DNAJC10: variants seen among roughly 807,000 people sequenced by gnomAD.
DNAJC10 encodes DnaJ heat shock protein family (Hsp40) member C10.
DNAJC10 carries 101 observed loss-of-function variants against 115.0 expected under a neutral mutation model. That is an observed-to-expected ratio of 0.88 (90% CI 0.75 to 1.04). The LOEUF (loss-of-function observed/expected upper bound fraction) is 1.04, where lower values mean the gene tolerates loss of function less well. Among genes scored for constraint, DNAJC10 ranks in the 50% least tolerant of loss-of-function variants. The probability of loss-of-function intolerance (pLI) is 0.00; values close to 1 mark genes in which losing one functional copy is unlikely to be tolerated. For synonymous variants in DNAJC10, 307 were observed against 301.5 expected (o/e 1.02, Z -0.19); for missense variants, 981 against 928.8 (o/e 1.06, Z -0.73).
intron 5 of DNAJC10, among the ~76,000 whole-genome samples, chr2:182,724,281 CAT>C (rs1558997107): frequency 6.6e-6 from 1 of 152,028 alleles, no homozygotes. Context: ...TAGATTTGAA[CAT>C]GTGATATCTA....
At chr2:182,720,475 T>C (rs921199590) in intron 4 of DNAJC10, among the ~76,000 whole-genome samples, 1 of 152,190 alleles carries the variant, frequency 6.6e-6, no homozygotes, top group African/African-American at 2.4e-5. Flanking sequence ...TGTAGGACAT[T>C]GGTCCCATGA....
chr2:182,774,370 C>G (rs1230342324), intron 22 of DNAJC10, among the ~76,000 whole-genome samples: 1 of 152,224 alleles, frequency 6.6e-6, no homozygotes, highest in Non-Finnish European at 1.5e-5. Flanking sequence ...GGAGAACCAC[C>G]ACTGTCTTCA....
At position 182,732,781 on chromosome 2, in the gene DNAJC10, T is replaced by C. The variant is rs982565749; in HGVS notation, c.849+239T>C. 4 of 506,450 alleles carry C rather than the reference T, an allele frequency of 7.9e-6. No individual in the cohort carries two copies. The African/African-American group carries it at 8.0e-5, about 10-fold the overall frequency. 31.4% of individuals were successfully genotyped at this position (506,450 alleles called of 1,614,324 possible). ...TACTTTGTAAGTATTCTGTAATTTA[T>C]AAGTTCCTCTTCAACTGAAGTTACA... On this transcript the variant is annotated intron_variant, in intron 10 of 23. Transcript: ENST00000264065.
chr2:182,764,238 G>T (rs1694356859), intron 22 of DNAJC10, among the ~76,000 whole-genome samples: 1 of 152,112 alleles, frequency 6.6e-6, no homozygotes, highest in South Asian at 2.1e-4. Context: ...GGGTCTCTAA[G>T]TGAGACAAAA....
At chr2:182,755,571 C>T (rs1266712315) in intron 17 of DNAJC10, among the ~76,000 whole-genome samples, 1 of 152,082 alleles carries the variant, frequency 6.6e-6, no homozygotes, top group Non-Finnish European at 1.5e-5. Flanking sequence ...ACCTGTTCCT[C>T]CTCCTCTGAC....
Position 182,788,587 on chromosome 2 carries a change from GA to G in DNAJC10, c.*11460del. On this transcript the variant is annotated 3_prime_UTR_variant, in exon 24 of 24. Coordinates refer to ENST00000264065, the MANE Select transcript of DNAJC10 (RefSeq NM_018981.4). ...ACAGTTTAAGTACTTATCTCAAAAG[GA>G]AAAATGTTAGCAATTGGTTGTAGCA... 1 of 245,598 alleles carries G rather than the reference GA, an allele frequency of 4.1e-6. No individual in the cohort carries two copies. Among genetic ancestry groups the G allele is most frequent in the Non-Finnish European group, 8.2e-6 (1 of 122,576 alleles). The allele number at this position is 245,598 out of a possible 1,614,324, so 15.2% of individuals were successfully genotyped here.
In DNAJC10 at chr2:182,780,908, G is replaced by GCAAT. The variant is rs561174708; in HGVS notation, c.*3779_*3782dup. The GCAAT allele has an allele frequency of 6.6e-6, 1 of 151,810 alleles. No homozygotes were observed. The highest frequency in any genetic ancestry group is 1.5e-5 in the Non-Finnish European group (1 of 67,966). 9.4% of individuals were successfully genotyped at this position (151,810 alleles called of 1,614,324 possible). ...TAGTGGCCTTTGGTCCTGAAAGTTA[G>GCAAT]CAATCATCCCCAAAAAGGTCTGTGT... On this transcript the variant is annotated 3_prime_UTR_variant, in exon 24 of 24. Transcript: ENST00000264065.
chr2:182,763,426 G>A (rs1490077110), intron 22 of DNAJC10, among the ~76,000 whole-genome samples: 1 of 152,108 alleles, frequency 6.6e-6, no homozygotes, highest in Non-Finnish European at 1.5e-5. Context: ...GGGCAAGATA[G>A]CTCTTCTAAG....
At chr2:182,729,703 C>G (rs1693391393) in intron 7 of DNAJC10, 145 bp from the exon 8 acceptor site, 1 of 479,034 alleles carries the variant, frequency 2.1e-6, no homozygotes, top group Non-Finnish European at 3.7e-6. Context: ...ATCAGGATAT[C>G]ATTTGGAAAT....
chr2:182,736,138 A>T (rs1253744395), intron 10 of DNAJC10, 111 bp from the exon 11 acceptor site: 1 of 967,406 alleles, frequency 1.0e-6, no homozygotes, highest in East Asian at 3.0e-5. Flanking sequence ...TAAGGCATGA[A>T]GTTTTAATTT....
In DNAJC10 at chr2:182,775,195, A is replaced by G. The variant is rs371938060; in HGVS notation, c.2266-121A>G. 1.3e-4 allele frequency: 84 copies of G among 668,768 alleles called. No homozygotes were observed. The African/African-American group carries it at 1.4e-3, about 11-fold the overall frequency. The allele number at this position is 668,768 out of a possible 1,614,324, so 41.4% of individuals were successfully genotyped here. ...ATTTCCTTGAAGAGAATAAATTTGA[A>G]TTTCAAACACTTCAAGTTTTGGAAC... On this transcript the variant is annotated intron_variant, in intron 22 of 23. Transcript: ENST00000264065.
At chr2:182,751,583 A>G in intron 14 of DNAJC10, 75 bp from the exon 15 acceptor site, 1 of 1,490,872 alleles carries the variant, frequency 6.7e-7, no homozygotes. Flanking sequence ...TATTCTGAGT[A>G]TTAAAACTTT....
chr2:182,774,153 G>C (rs1243025984), intron 22 of DNAJC10, among the ~76,000 whole-genome samples: 1 of 152,238 alleles, frequency 6.6e-6, no homozygotes, highest in South Asian at 2.1e-4. Flanking sequence ...GGTATCACCA[G>C]CAGAGGCTGC....
intron 22 of DNAJC10, among the ~76,000 whole-genome samples, chr2:182,771,284 T>A (rs1694556051): frequency 6.6e-6 from 1 of 152,200 alleles, no homozygotes; most frequent in African/African-American, 2.4e-5. Context: ...TGGTCTAAAA[T>A]TCCCTTTTTT....
chr2:182,745,696 T>A (rs1009814793), intron 14 of DNAJC10, among the ~76,000 whole-genome samples: 36 of 152,158 alleles, frequency 2.4e-4, no homozygotes, highest in African/African-American at 8.7e-4. Flanking sequence ...ATTTTTATTT[T>A]TTTTTTTTAT....
Position 182,759,219 on chromosome 2 carries a change from A to G in DNAJC10, c.2057A>G (p.Gln686Arg). 2.5e-6 allele frequency: 4 copies of G among 1,609,714 alleles called. No individual in the cohort carries two copies. Among genetic ancestry groups the G allele is most frequent in the Non-Finnish European group, 3.4e-6 (4 of 1,179,064 alleles). ...CAGACTTTCAGTGAAAAAGTTCTAC[A>G]AGGGAAAAATCATTGGGTGATTGAT... Reference protein sequence around the residue: ...TPQTFSEKVLQGKNHWVIDFY... With the variant: ...TPQTFSEKVLRGKNHWVIDFY... The change falls in exon 21 of 24, where the codon CAA becomes CGA. Residue 686 changes from glutamine (Q) to arginine (R), a missense_variant. By Grantham distance (43) the Gln-to-Arg change is conservative (BLOSUM62 1). Coordinates refer to ENST00000264065, the MANE Select transcript of DNAJC10 (RefSeq NM_018981.4).
At position 182,788,568 on chromosome 2, in the gene DNAJC10, T is replaced by G. The variant is rs1253075044; in HGVS notation, c.*11436T>G. On this transcript the variant is annotated 3_prime_UTR_variant, in exon 24 of 24. Coordinates refer to ENST00000264065, the MANE Select transcript of DNAJC10 (RefSeq NM_018981.4). ...ATCTTGGAAATAAGGATGGACAGTTTAAGTACTTATCTCAAAAGGAAAAAT... is the reference window on the plus strand; with the variant it reads ...ATCTTGGAAATAAGGATGGACAGTTGAAGTACTTATCTCAAAAGGAAAAAT... 4.0e-6 allele frequency: 1 copy of G among 249,214 alleles called. No homozygotes were observed. Among genetic ancestry groups the G allele is most frequent in the Non-Finnish European group, 8.0e-6 (1 of 124,550 alleles). The allele number at this position is 249,214 out of a possible 1,614,324, so 15.4% of individuals were successfully genotyped here. A position where few individuals can be genotyped will look rare whatever the true frequency, so the allele number is the denominator to read the frequency against.
Position 182,739,862 on chromosome 2 carries a change from CTAT to C in DNAJC10, c.988-432_988-430del, listed in dbSNP as rs1174330225. 66 of 987,736 alleles carry C rather than the reference CTAT, an allele frequency of 6.7e-5. No individual in the cohort carries two copies. In the African/African-American group the frequency reaches 1.1e-3, roughly 16 times the overall value. 61.2% of individuals were successfully genotyped at this position (987,736 alleles called of 1,614,324 possible). On this transcript the variant is annotated intron_variant, in intron 11 of 23. Transcript: ENST00000264065. ...TGGGGAATGAAGTGTCTTTGATAGT[CTAT>C]TATTCTTCCTTCTAGTGTTATAAAA...
Position 182,793,633 on chromosome 2 carries a change from A to G in DNAJC10, c.*16501A>G, listed in dbSNP as rs288296. Reference sequence around the variant, plus strand: ...CAAATAAGGCAAGTTGGCAGCATGCAATTGGCTGTGACCTATCTGTTACAA... The same window carrying G: ...CAAATAAGGCAAGTTGGCAGCATGCGATTGGCTGTGACCTATCTGTTACAA... On this transcript the variant is annotated 3_prime_UTR_variant, in exon 24 of 24. Coordinates refer to ENST00000264065, the MANE Select transcript of DNAJC10 (RefSeq NM_018981.4). 103,581 of 151,880 alleles carry G rather than the reference A, an allele frequency of 0.68. 36,029 individuals are homozygous for G. Among genetic ancestry groups the G allele is most frequent in the African/African-American group, 0.8 (33,338 of 41,434 alleles). The allele number at this position is 151,880 out of a possible 1,614,324, so 9.4% of individuals were successfully genotyped here. A position where few individuals can be genotyped will look rare whatever the true frequency, so the allele number is the denominator to read the frequency against.
Sources: gnomAD v4.1 joint callset for allele counts (sites outside exome capture counted in the v4.1 genomes callset) on GRCh38, gnomAD v4.1.1 for gene constraint, MANE v1.5 for transcripts, NCBI Gene and HGNC (gene_info 2026-07-23, HGNC 2026-07-21) for gene names.